UBE2F: variants seen among roughly 807,000 people sequenced by gnomAD.
UBE2F encodes NEDD8-conjugating enzyme UBE2F.
UBE2F carries 5 observed loss-of-function variants against 29.6 expected under a neutral mutation model. That is an observed-to-expected ratio of 0.17 (90% CI 0.09 to 0.36). UBE2F has a LOEUF of 0.36. Ranked by LOEUF, UBE2F falls within the 10% of genes least tolerant of loss-of-function variation. UBE2F has a pLI of 1.00. For missense variants in UBE2F, 141 were observed against 228.5 expected (o/e 0.62, Z 2.47); for synonymous variants, 66 against 81.8 (o/e 0.81, Z 1.04).
intron 2 of UBE2F, among the ~76,000 whole-genome samples, chr2:237,974,143 G>A (rs1291497161): frequency 3.4e-5 from 5 of 147,470 alleles, no homozygotes; most frequent in East Asian, 2.0e-4. Flanking sequence ...ACGGGCACCC[G>A]CCACCACGCC....
At chr2:238,030,710 T>C in intron 7 of UBE2F, 97 bp downstream of exon 7, 1 of 892,434 alleles carries the variant, frequency 1.1e-6, no homozygotes, top group South Asian at 1.4e-5. Flanking sequence ...TCCTTGCCTG[T>C]CACATCCACA....
At chr2:237,989,185 T>G (rs1385101645) in intron 3 of UBE2F, among the ~76,000 whole-genome samples, 19 of 152,072 alleles carry the variant, frequency 1.2e-4, no homozygotes, top group Non-Finnish European at 1.5e-5. Flanking sequence ...TCTGCTGGTT[T>G]GGGTGAGTGC....
intron 2 of UBE2F, among the ~76,000 whole-genome samples, chr2:237,976,509 G>A (rs145712743): frequency 1.4e-3 from 213 of 152,312 alleles, no homozygotes; most frequent in Middle Eastern, 3.4e-3. Context: ...TAGAGTTTTG[G>A]AGGCTGGGAA....
intron 7 of UBE2F, among the ~76,000 whole-genome samples, chr2:238,031,922 A>G (rs940771689): frequency 1.3e-5 from 2 of 152,252 alleles, no homozygotes; most frequent in Admixed American, 6.5e-5. Flanking sequence ...TGGAGCCCCT[A>G]TGCAGACACT....
intron 4 of UBE2F, among the ~76,000 whole-genome samples, chr2:238,011,624 G>A (rs955180689): frequency 1.3e-5 from 2 of 152,204 alleles, no homozygotes; most frequent in African/African-American, 2.4e-5. Context: ...TTCACTTGCA[G>A]TGTATCTCTG....
At chr2:238,036,965 ATTT>A (rs1486641687) in intron 9 of UBE2F, among the ~76,000 whole-genome samples, 1 of 152,124 alleles carries the variant, frequency 6.6e-6, no homozygotes. Flanking sequence ...CTTGACTTTG[ATTT>A]TTACCCAAAA....
intron 2 of UBE2F, 65 bp downstream of exon 2, chr2:237,973,290 T>C (rs2063211687): frequency 6.4e-7 from 1 of 1,566,622 alleles, no homozygotes; most frequent in East Asian, 2.3e-5. Flanking sequence ...CTGGAGAGTC[T>C]TTGGGGATAT....
chr2:237,967,045 G>A lies in UBE2F; in HGVS notation c.-104G>A. 2 of 1,309,776 alleles carry A rather than the reference G, an allele frequency of 1.5e-6. No homozygotes were observed. The highest frequency in any genetic ancestry group is 1.5e-5 in the African/African-American group (1 of 64,750). The allele number at this position is 1,309,776 out of a possible 1,614,324, so 81.1% of individuals were successfully genotyped here. ...GGTCCCGCCGCCGGGAGCCGGTGCG[G>A]CTGTGAGGGGCCGCGTCTCGCAGCA... On this transcript the variant is annotated 5_prime_UTR_variant, in exon 1 of 10. Transcript: ENST00000272930. This position sits in a 1 kb window ranked among gnomAD's most constrained non-coding sequence, Gnocchi z 6.3.
At chr2:237,999,001 G>C (rs2063740484) in intron 4 of UBE2F, among the ~76,000 whole-genome samples, 1 of 152,096 alleles carries the variant, frequency 6.6e-6, no homozygotes, top group African/African-American at 2.4e-5. Context: ...ATGAGCTGCA[G>C]ATATTTTCTC....
At chr2:237,977,198 T>G (rs2063298929) in intron 2 of UBE2F, among the ~76,000 whole-genome samples, 2 of 151,692 alleles carry the variant, frequency 1.3e-5, no homozygotes, top group Admixed American at 1.3e-4. Context: ...TCTGACCTTG[T>G]GCAACCCATC....
chr2:237,992,988 A>G (rs2106350396), intron 3 of UBE2F, among the ~76,000 whole-genome samples: 1 of 151,772 alleles, frequency 6.6e-6, no homozygotes, highest in East Asian at 1.9e-4. Flanking sequence ...ACTCCTGGGC[A>G]GCACTCTTTT....
chr2:237,974,829 A>T (rs1461530676), intron 2 of UBE2F, among the ~76,000 whole-genome samples: 1 of 150,984 alleles, frequency 6.6e-6, no homozygotes, highest in African/African-American at 2.4e-5. Context: ...TTGTATTCTT[A>T]ATAGAGACGA....
chr2:238,001,833 A>G (rs555433153), intron 4 of UBE2F, among the ~76,000 whole-genome samples: 224 of 152,276 alleles, frequency 1.5e-3, no homozygotes, highest in Non-Finnish European at 2.7e-3. Flanking sequence ...AAAAAACAAA[A>G]AACAAAACAA....
intron 2 of UBE2F, among the ~76,000 whole-genome samples, chr2:237,979,924 T>C (rs2063347538): frequency 6.6e-6 from 1 of 152,216 alleles, no homozygotes; most frequent in African/African-American, 2.4e-5. Flanking sequence ...CCATGAGCAC[T>C]GTGGGCCTGC....
rs2064839993 is a variant in UBE2F at position 238,041,722 on chromosome 2, G to A, written c.*384G>A. 5.6e-6 allele frequency: 1 copy of A among 177,894 alleles called. No individual in the cohort carries two copies. Among genetic ancestry groups the A allele is most frequent in the African/African-American group, 2.4e-5 (1 of 42,186 alleles). The allele number at this position is 177,894 out of a possible 1,614,324, so 11.0% of individuals were successfully genotyped here. A position where few individuals can be genotyped will look rare whatever the true frequency, so the allele number is the denominator to read the frequency against. ...TTTCTGCACAAGCGATGCTAATGAT[G>A]TGTTCAGTGTAACTCGCAGATTGGC... On this transcript the variant is annotated 3_prime_UTR_variant, in exon 10 of 10. Transcript: ENST00000272930.
chr2:238,023,027 C>T (rs578193820), intron 5 of UBE2F, among the ~76,000 whole-genome samples: 24 of 152,312 alleles, frequency 1.6e-4, no homozygotes, highest in African/African-American at 5.8e-4. Flanking sequence ...ACCCGCAAGC[C>T]TTTGGGAGAT....
chr2:237,972,374 A>C (rs759146483), intron 1 of UBE2F, among the ~76,000 whole-genome samples: 1 of 151,984 alleles, frequency 6.6e-6, no homozygotes, highest in African/African-American at 2.4e-5. Flanking sequence ...GGGCCAACTT[A>C]CCAGTGGGCA....
rs2064816784 is a variant in UBE2F, at chr2:238,040,558, G to C, written c.508-730G>C. On this transcript the variant is annotated intron_variant, in intron 9 of 9. Coordinates refer to ENST00000272930, the MANE Select transcript of UBE2F (RefSeq NM_080678.3). This position sits in a 1 kb window ranked among gnomAD's most constrained non-coding sequence, Gnocchi z 4.4. ...TGTGTTGTAGGAGTGAGAGGGTTAA[G>C]AGCTCCAAGTCATTCTTACGGCTCA... is the stretch of plus-strand genomic sequence containing the variant. Among the ~76,000 whole-genome samples the C allele has an allele frequency of 1.3e-5, 2 of 152,150 alleles. No homozygotes were observed. The highest frequency in any genetic ancestry group is 4.1e-4 in the South Asian group (2 of 4,828).
chr2:238,001,734 G>A (rs2063797628), intron 4 of UBE2F, among the ~76,000 whole-genome samples: 1 of 152,018 alleles, frequency 6.6e-6, no homozygotes, highest in Non-Finnish European at 1.5e-5. Context: ...GCAGGAGAAT[G>A]GCGTGAACCC....
Sources: allele counts gnomAD v4.1 joint callset (sites outside exome capture counted in the v4.1 genomes callset), GRCh38; gene constraint gnomAD v4.1.1; non-coding constraint Gnocchi (gnomAD v3.1); transcripts MANE v1.5; gene names NCBI Gene and HGNC (gene_info 2026-07-23, HGNC 2026-07-21).